TRDN: variants seen among roughly 807,000 people sequenced by gnomAD.
TRDN encodes triadin.
In TRDN, 161 loss-of-function variants were observed where a neutral mutation model predicts 149.7. The observed-to-expected ratio is 1.08, with a 90% CI of 0.95 to 1.23. TRDN has a LOEUF of 1.23. TRDN is among the 50% of genes most tolerant of loss of function. The pLI is 0.00. For synonymous variants in TRDN, 294 were observed against 250.5 expected (o/e 1.17, Z -1.64); for missense variants, 896 against 823.5 (o/e 1.09, Z -1.08).
intron 2 of TRDN, among the ~76,000 whole-genome samples, chr6:123,560,651 T>G (rs1781935418): frequency 6.6e-6 from 1 of 152,162 alleles, no homozygotes. Context: ...GCATTCCAAC[T>G]TCTATCCCTC....
chr6:123,339,322 GTTT>G (rs1459750427), intron 21 of TRDN, among the ~76,000 whole-genome samples: 3 of 151,838 alleles, frequency 2.0e-5, no homozygotes, highest in Admixed American at 6.6e-5. Flanking sequence ...AGGTTTTTTT[GTTT>G]TTGTTTTTGT....
chr6:123,321,244 T>C (rs7746138), intron 23 of TRDN, among the ~76,000 whole-genome samples: 22,741 of 152,126 alleles, frequency 0.15, 1,823 homozygotes, highest in South Asian at 0.22. Context: ...AATTAAACAC[T>C]ACACGTGAAG....
chr6:123,494,465 T>G (rs1273965964), intron 9 of TRDN, among the ~76,000 whole-genome samples: 1 of 152,162 alleles, frequency 6.6e-6, no homozygotes, highest in Non-Finnish European at 1.5e-5. Flanking sequence ...GGAATTATAT[T>G]TTATGATCAA....
Position 123,260,651 on chromosome 6 carries a change from A to G in TRDN, c.1805-13T>C. 6.8e-7 allele frequency: 1 copy of G among 1,460,464 alleles called. No individual in the cohort carries two copies. Among genetic ancestry groups the G allele is most frequent in the Non-Finnish European group, 9.1e-7 (1 of 1,101,890 alleles). The allele number at this position is 1,460,464 out of a possible 1,614,324, so 90.5% of individuals were successfully genotyped here. A position where few individuals can be genotyped will look rare whatever the true frequency, so the allele number is the denominator to read the frequency against. On this transcript the variant is annotated splice_polypyrimidine_tract_variant and intron_variant, in intron 33 of 40. Transcript: ENST00000334268. The stretch of plus-strand genomic sequence containing the variant: ...TCTGATGTTCCTTCTTTAGAAAAAA[A>G]AAAAAAAAGAATGTAGAAAGAAAGG...
chr6:123,350,395 T>C (rs1164799878), intron 21 of TRDN: 4 of 824,744 alleles, frequency 4.8e-6, no homozygotes, highest in Non-Finnish European at 5.8e-6. Context: ...ATATAATTTT[T>C]CTAAATAAAG....
chr6:123,354,158 C>A (rs1780571689), intron 20 of TRDN, among the ~76,000 whole-genome samples: 1 of 151,872 alleles, frequency 6.6e-6, no homozygotes, highest in Admixed American at 6.6e-5. Context: ...AGGGCAACCA[C>A]AATTCTGGTT....
intron 35 of TRDN, among the ~76,000 whole-genome samples, chr6:123,258,190 A>G (rs563543604): frequency 8.5e-5 from 13 of 152,246 alleles, no homozygotes; most frequent in East Asian, 5.8e-4. Flanking sequence ...GAGTGGTGAA[A>G]GAGGGCATCC....
chr6:123,634,762 CA>C (rs11438958), intron 1 of TRDN, among the ~76,000 whole-genome samples: 6 of 149,478 alleles, frequency 4.0e-5, no homozygotes, highest in East Asian at 2.0e-4. Context: ...TTCCAGAAAA[CA>C]AAAAAAAATG....
intron 2 of TRDN, among the ~76,000 whole-genome samples, chr6:123,558,022 C>A (rs1425595869): frequency 1.3e-5 from 2 of 151,996 alleles, no homozygotes; most frequent in Admixed American, 6.6e-5. Context: ...TTCCAAATAG[C>A]CAGAAAACAG....
At chr6:123,260,966 A>G (rs1255612071) in intron 33 of TRDN, among the ~76,000 whole-genome samples, 2 of 151,762 alleles carry the variant, frequency 1.3e-5, no homozygotes, top group Non-Finnish European at 2.9e-5. Flanking sequence ...TCATTAATTT[A>G]GTGTGTGCAT....
Position 123,500,943 on chromosome 6 carries a change from T to C in TRDN, c.793+2776A>G, listed in dbSNP as rs938485126. ...GGCAGCTGGAAAATTCGTTTCTCCTTCCCCACAGACCTCCTAGAGGTCATC... is the reference window on the plus strand; with the variant it reads ...GGCAGCTGGAAAATTCGTTTCTCCTCCCCCACAGACCTCCTAGAGGTCATC... On this transcript the variant is annotated intron_variant, in intron 8 of 40. Transcript: ENST00000334268. 5.3e-5 allele frequency among the ~76,000 whole-genome samples: 8 copies of C among 152,186 alleles called. No homozygotes were observed. The East Asian group carries it at 7.7e-4, about 15-fold the overall frequency.
At chr6:123,428,232 A>G (rs1774203041) in intron 12 of TRDN, among the ~76,000 whole-genome samples, 1 of 152,140 alleles carries the variant, frequency 6.6e-6, no homozygotes, top group Non-Finnish European at 1.5e-5. Flanking sequence ...AAATAAACCA[A>G]TCAGATTATT....
Position 123,565,787 on chromosome 6 carries a change from G to A in TRDN, c.232+5136C>T, listed in dbSNP as rs921079059. Among the ~76,000 whole-genome samples the A allele has an allele frequency of 2.0e-5, 3 of 152,304 alleles. No homozygotes were observed. The East Asian group carries it at 5.8e-4, about 29-fold the overall frequency. ...GCTTCTTCAGCGTCTCCAAATCCTG[G>A]CCAGGTGCGCGTGCAGTTCCGTGGG... On this transcript the variant is annotated intron_variant, in intron 2 of 40. Coordinates refer to ENST00000334268, the MANE Select transcript of TRDN (RefSeq NM_006073.4).
At chr6:123,419,581 T>C (rs1582996244) in intron 12 of TRDN, among the ~76,000 whole-genome samples, 1 of 152,156 alleles carries the variant, frequency 6.6e-6, no homozygotes, top group East Asian at 1.9e-4. Flanking sequence ...TCTCACTATG[T>C]TGCCCAGGCT....
intron 12 of TRDN, among the ~76,000 whole-genome samples, chr6:123,413,331 T>C (rs1454993191): frequency 6.6e-6 from 1 of 152,172 alleles, no homozygotes; most frequent in Admixed American, 6.5e-5. Context: ...AACACTTCAA[T>C]TTCAGAGACT....
intron 5 of TRDN, chr6:123,528,906 A>G: frequency 9.4e-7 from 1 of 1,064,550 alleles, no homozygotes; most frequent in Non-Finnish European, 1.1e-6. Context: ...TACAAAACAT[A>G]TTTGGTCTAC....
At chr6:123,442,545 CAA>C (rs1434202710) in intron 10 of TRDN, among the ~76,000 whole-genome samples, 3 of 36,426 alleles carry the variant, frequency 8.2e-5, no homozygotes, top group Admixed American at 2.8e-4. Flanking sequence ...GACTCCGTCT[CAA>C]AAAAAAAAAA....
At position 123,283,032 on chromosome 6, in the gene TRDN, C is replaced by A. The variant is rs549445132; in HGVS notation, c.1511-3950G>T. On this transcript the variant is annotated intron_variant, in intron 24 of 40. Coordinates refer to ENST00000334268, the MANE Select transcript of TRDN (RefSeq NM_006073.4). The stretch of plus-strand genomic sequence containing the variant: ...GAAAGAATTTTAAAACTGAAAAGAT[C>A]CTGGAAATCATCGGAATAGCTTTTT... 2.0e-5 allele frequency among the ~76,000 whole-genome samples: 3 copies of A among 151,624 alleles called. No homozygotes were observed. The East Asian group carries it at 5.8e-4, about 29-fold the overall frequency.
chr6:123,525,563 T>C (rs183262412), intron 5 of TRDN, among the ~76,000 whole-genome samples: 2 of 152,144 alleles, frequency 1.3e-5, no homozygotes, highest in East Asian at 3.9e-4. Context: ...GAATGGGAAC[T>C]GAGGCTTGAA....
Sources: gnomAD v4.1 joint callset for allele counts (sites outside exome capture counted in the v4.1 genomes callset) on GRCh38, gnomAD v4.1.1 for gene constraint, MANE v1.5 for transcripts, NCBI Gene and HGNC (gene_info 2026-07-23, HGNC 2026-07-21) for gene names.